Variants in AGBL4 observed in about 807,000 individuals in gnomAD.
AGBL4 encodes the protein AGBL carboxypeptidase 4.
Under a neutral mutation model 66.4 loss-of-function variants are expected in AGBL4, and 58 were observed. The ratio of observed to expected loss-of-function variants is 0.87; its 90% CI spans 0.71 to 1.09. The LOEUF (loss-of-function observed/expected upper bound fraction) is 1.09, where lower values mean the gene tolerates loss of function less well. AGBL4 is among the 50% of genes least tolerant of loss of function. AGBL4 has a pLI of 0.00. For synonymous variants in AGBL4, 234 were observed against 222.9 expected, an observed-to-expected ratio of 1.05 and a Z score of -0.44; for missense variants, 579 against 631.0, an observed-to-expected ratio of 0.92 and a Z score of 0.88.
At chr1:48,757,801 A>C (rs1343289229) in intron 6 of AGBL4, among the ~76,000 whole-genome samples, 1 of 152,192 alleles carries the variant, frequency 6.6e-6, no homozygotes, top group South Asian at 2.1e-4. Flanking sequence ...ATTGTATTTT[A>C]TTTAAACTTT....
At chr1:49,311,925 A>G (rs997851076) in intron 3 of AGBL4, among the ~76,000 whole-genome samples, 1 of 152,232 alleles carries the variant, frequency 6.6e-6, no homozygotes, top group Non-Finnish European at 1.5e-5. Context: ...AACAGTATAG[A>G]AAGTCCTAAA....
chr1:49,556,442 G>A (rs1558048067), intron 3 of AGBL4, among the ~76,000 whole-genome samples: 1 of 151,604 alleles, frequency 6.6e-6, no homozygotes, highest in Non-Finnish European at 1.5e-5. Context: ...CACCAACATG[G>A]CACATGTATA....
intron 2 of AGBL4, among the ~76,000 whole-genome samples, chr1:49,809,345 C>G (rs1157397216): frequency 6.7e-6 from 1 of 148,548 alleles, no homozygotes; most frequent in East Asian, 2.0e-4. Context: ...TGATCCCCAC[C>G]CTGTGTCCAA....
chr1:49,730,502 T>C (rs1006812794), intron 2 of AGBL4, among the ~76,000 whole-genome samples: 4 of 152,108 alleles, frequency 2.6e-5, no homozygotes, highest in African/African-American at 9.7e-5. Flanking sequence ...GACAGAACTA[T>C]GGCATTCCCT....
intron 5 of AGBL4, among the ~76,000 whole-genome samples, chr1:48,996,687 G>A (rs1486600306): frequency 1.3e-5 from 2 of 152,018 alleles, no homozygotes; most frequent in Non-Finnish European, 2.9e-5. Context: ...AGTGGAAAGA[G>A]AAGAGTGATG....
intron 2 of AGBL4, among the ~76,000 whole-genome samples, chr1:49,795,182 G>T (rs1644699547): frequency 6.6e-6 from 1 of 151,432 alleles, no homozygotes. Flanking sequence ...CTAAACATAA[G>T]CATTCAGCTG....
chr1:48,806,932 ATG>A (rs3043291), intron 6 of AGBL4, among the ~76,000 whole-genome samples: 61,935 of 150,656 alleles, frequency 0.41, 13,333 homozygotes, highest in East Asian at 0.88. Context: ...GTGTGCATAT[ATG>A]TGTGTGTGTG....
chr1:49,627,263 A>T (rs1645481486), intron 3 of AGBL4, among the ~76,000 whole-genome samples: 1 of 152,130 alleles, frequency 6.6e-6, no homozygotes, highest in South Asian at 2.1e-4. Flanking sequence ...CCTGGTAATA[A>T]GTTTGTTCTT....
intron 1 of AGBL4, among the ~76,000 whole-genome samples, chr1:49,888,651 A>G (rs1486270275): frequency 2.0e-5 from 3 of 152,236 alleles, no homozygotes; most frequent in Non-Finnish European, 4.4e-5. Context: ...ATTAGATTGG[A>G]TAACAGCCAC....
chr1:49,450,178 G>A lies in AGBL4; in HGVS notation c.283-204314C>T, dbSNP rs1039029287. On this transcript the variant is annotated intron_variant, in intron 3 of 13. Coordinates refer to ENST00000371839, the MANE Select transcript of AGBL4 (RefSeq NM_032785.4). ...AGGATTCTCTGGAGAGAACAATCCA[G>A]GGAAAAGAGATGAGTTTAGAAAAAT... is the stretch of plus-strand genomic sequence containing the variant. Among the ~76,000 whole-genome samples, 6 of 152,026 alleles carry A rather than the reference G, an allele frequency of 3.9e-5. No individual in the cohort carries two copies. The South Asian group carries it at 1.2e-3, about 31-fold the overall frequency.
chr1:49,016,761 C>T (rs1662856944), intron 5 of AGBL4, among the ~76,000 whole-genome samples: 1 of 152,202 alleles, frequency 6.6e-6, no homozygotes, highest in Non-Finnish European at 1.5e-5. Context: ...CTGTTACTAC[C>T]AGGCTCAGTG....
chr1:49,219,130 A>C (rs1410312906), intron 4 of AGBL4, among the ~76,000 whole-genome samples: 2 of 152,170 alleles, frequency 1.3e-5, no homozygotes, highest in African/African-American at 4.8e-5. Context: ...CTTAGATCAG[A>C]GTTTCCAGAT....
At chr1:48,697,859 C>CAGG (rs1646737517) in intron 6 of AGBL4, among the ~76,000 whole-genome samples, 1 of 152,188 alleles carries the variant, frequency 6.6e-6, no homozygotes, top group Non-Finnish European at 1.5e-5. Flanking sequence ...GGCTAACTTC[C>CAGG]TGGTGGTTTA....
At chr1:48,646,293 G>C (rs1281749766) in intron 8 of AGBL4, among the ~76,000 whole-genome samples, 1 of 152,138 alleles carries the variant, frequency 6.6e-6, no homozygotes, top group Non-Finnish European at 1.5e-5. Context: ...ATGACGGGCT[G>C]GCAGATCTCT....
chr1:50,012,335 A>T (rs916009432), intron 1 of AGBL4, among the ~76,000 whole-genome samples: 2 of 152,128 alleles, frequency 1.3e-5, no homozygotes, highest in African/African-American at 4.8e-5. Context: ...TATACATTTT[A>T]AAATAATTTA....
At chr1:49,656,787 C>T (rs1407235207) in intron 3 of AGBL4, among the ~76,000 whole-genome samples, 2 of 152,108 alleles carry the variant, frequency 1.3e-5, no homozygotes, top group Admixed American at 6.6e-5. Flanking sequence ...GCAGAAAAGG[C>T]CTTCGACAAA....
At chr1:48,670,077 C>T (rs528876688) in intron 6 of AGBL4, among the ~76,000 whole-genome samples, 1 of 152,226 alleles carries the variant, frequency 6.6e-6, no homozygotes, top group East Asian at 1.9e-4. Flanking sequence ...AGAAATACTC[C>T]TGAAAAAAAA....
At chr1:49,121,972 C>T (rs550603316) in intron 4 of AGBL4, among the ~76,000 whole-genome samples, 9 of 152,332 alleles carry the variant, frequency 5.9e-5, no homozygotes, top group South Asian at 2.1e-4. Context: ...CAGACTGCTG[C>T]GCTAGCAGTG....
At chr1:49,530,616 T>C (rs1003348804) in intron 3 of AGBL4, among the ~76,000 whole-genome samples, 1 of 152,032 alleles carries the variant, frequency 6.6e-6, no homozygotes, top group Non-Finnish European at 1.5e-5. Context: ...AATAATCATA[T>C]GCACCATCCT....
Sources: allele counts gnomAD v4.1 joint callset (sites outside exome capture counted in the v4.1 genomes callset), GRCh38; gene constraint gnomAD v4.1.1; transcripts MANE v1.5; gene names NCBI Gene and HGNC (gene_info 2026-07-23, HGNC 2026-07-21).